CCDC15: variants seen among roughly 807,000 people sequenced by gnomAD.
CCDC15 encodes the protein coiled-coil domain containing 15.
A neutral mutation model predicts 114.5 loss-of-function variants in CCDC15; 105 were observed. The observed-to-expected ratio is 0.92, with a 90% CI of 0.78 to 1.08. CCDC15 has a LOEUF of 1.08. Ranked by LOEUF, CCDC15 falls within the 50% of genes least tolerant of loss-of-function variation. The probability of loss-of-function intolerance (pLI) is 0.00; values close to 1 mark genes in which losing one functional copy is unlikely to be tolerated. For synonymous variants in CCDC15, 334 were observed against 377.8 expected, an observed-to-expected ratio of 0.88 and a Z score of 1.34; for missense variants, 1,105 against 1,093.6, an observed-to-expected ratio of 1.01 and a Z score of -0.15.
chr11:124,966,286 G>C (rs1947780666), intron 4 of CCDC15, among the ~76,000 whole-genome samples: 1 of 152,154 alleles, frequency 6.6e-6, no homozygotes, highest in Non-Finnish European at 1.5e-5. Flanking sequence ...AAGTCTCTTT[G>C]TAGGTCTCTA....
intron 4 of CCDC15, among the ~76,000 whole-genome samples, chr11:124,961,140 A>G (rs1025848309): frequency 1.3e-5 from 2 of 152,364 alleles, no homozygotes; most frequent in Non-Finnish European, 2.9e-5. Context: ...AGTACAAGGA[A>G]TAGAACATTG....
chr11:124,976,211 A>G (rs1210616699), intron 5 of CCDC15, among the ~76,000 whole-genome samples: 2 of 148,786 alleles, frequency 1.3e-5, no homozygotes, highest in South Asian at 4.2e-4. Flanking sequence ...TGGAATATGC[A>G]TATAATATAT....
At chr11:124,975,457 A>G (rs1310165240) in intron 5 of CCDC15, among the ~76,000 whole-genome samples, 1 of 152,172 alleles carries the variant, frequency 6.6e-6, no homozygotes, top group Non-Finnish European at 1.5e-5. Context: ...GTTGGATATG[A>G]AATTAAGTAT....
At chr11:125,012,023 T>C (rs969280955) in intron 13 of CCDC15, among the ~76,000 whole-genome samples, 1 of 152,222 alleles carries the variant, frequency 6.6e-6, no homozygotes, top group African/African-American at 2.4e-5. Flanking sequence ...TCTAGGTACA[T>C]GCCCTGTAAG....
chr11:124,977,787 GTT>G (rs1375282096), intron 6 of CCDC15, among the ~76,000 whole-genome samples, 187 bp downstream of exon 6: 4 of 152,094 alleles, frequency 2.6e-5, no homozygotes, highest in Non-Finnish European at 4.4e-5. Context: ...AGTACTCACA[GTT>G]TGCACAGGGT....
chr11:125,021,789 G>A (rs973546988), intron 13 of CCDC15, among the ~76,000 whole-genome samples: 2 of 151,830 alleles, frequency 1.3e-5, no homozygotes, highest in African/African-American at 4.8e-5. Flanking sequence ...CAATGCTGAC[G>A]TGTTCCCTTA....
chr11:125,011,808 T>C (rs1347881134), intron 13 of CCDC15, among the ~76,000 whole-genome samples: 1 of 152,212 alleles, frequency 6.6e-6, no homozygotes, highest in East Asian at 1.9e-4. Flanking sequence ...TATTCTATTG[T>C]CCTACCTTGA....
chr11:124,971,280 C>T (rs939854678), intron 4 of CCDC15, among the ~76,000 whole-genome samples: 12 of 152,184 alleles, frequency 7.9e-5, no homozygotes, highest in Non-Finnish European at 1.6e-4. Context: ...ATCTGTAGGT[C>T]ACCATCATCA....
Position 125,041,380 on chromosome 11 carries a change from T to C in CCDC15, c.*669T>C, listed in dbSNP as rs943778639. The C allele has an allele frequency of 1.3e-5, 2 of 152,140 alleles. No individual in the cohort carries two copies. The highest frequency in any genetic ancestry group is 1.3e-4 in the Admixed American group (2 of 15,282). The allele number at this position is 152,140 out of a possible 1,614,324, so 9.4% of individuals were successfully genotyped here. A position where few individuals can be genotyped will look rare whatever the true frequency, so the allele number is the denominator to read the frequency against. On this transcript the variant is annotated 3_prime_UTR_variant, in exon 16 of 16. Coordinates refer to ENST00000344762, the MANE Select transcript of CCDC15 (RefSeq NM_025004.3). ...TAATTGTGAGTGACATTTGAAAAAG[T>C]GAATCTGAAGTCAAAGTGAGTAAAT...
chr11:125,013,264 T>G (rs1443301136), intron 13 of CCDC15, among the ~76,000 whole-genome samples: 1 of 152,176 alleles, frequency 6.6e-6, no homozygotes. Flanking sequence ...TGCCAGATGG[T>G]CAAGGAGCTT....
At chr11:125,029,059 A>G (rs966517316) in intron 13 of CCDC15, among the ~76,000 whole-genome samples, 2 of 152,172 alleles carry the variant, frequency 1.3e-5, no homozygotes, top group Non-Finnish European at 2.9e-5. Context: ...CACACGAGAA[A>G]GATATAGTCT....
Position 125,022,048 on chromosome 11 carries a change from C to T in CCDC15, c.2412-16383C>T, listed in dbSNP as rs149503932. Among the ~76,000 whole-genome samples, 524 of 152,008 alleles carry T rather than the reference C, an allele frequency of 3.4e-3. 2 individuals are homozygous for T. The highest frequency in any genetic ancestry group is 0.012 in the African/African-American group (500 of 41,522). On this transcript the variant is annotated intron_variant, in intron 13 of 15. Transcript: ENST00000344762. ...CTCATTGGAATAAGATCTCAATATA[C>T]GCAGATCCCTAGCCAAGAGCTCCTG...
chr11:124,970,573 G>C (rs1947861715), intron 4 of CCDC15, among the ~76,000 whole-genome samples: 1 of 152,104 alleles, frequency 6.6e-6, no homozygotes, highest in Non-Finnish European at 1.5e-5. Context: ...CTTTACATTG[G>C]TATTAGTCCT....
intron 4 of CCDC15, among the ~76,000 whole-genome samples, chr11:124,969,045 A>G (rs950326910): frequency 1.3e-5 from 2 of 152,142 alleles, no homozygotes; most frequent in African/African-American, 4.8e-5. Flanking sequence ...CAAGTATTTG[A>G]TTATAGTTAT....
At chr11:125,004,928 T>C (rs1257842170) in intron 12 of CCDC15, among the ~76,000 whole-genome samples, 181 bp from the exon 13 acceptor site, 1 of 152,102 alleles carries the variant, frequency 6.6e-6, no homozygotes, top group African/African-American at 2.4e-5. Context: ...ATAAAATTCT[T>C]GTGTATGTGA....
At chr11:124,985,059 A>T (rs1027012247) in intron 6 of CCDC15, among the ~76,000 whole-genome samples, 1 of 152,190 alleles carries the variant, frequency 6.6e-6, no homozygotes, top group African/African-American at 2.4e-5. Flanking sequence ...TTTTGTCTGT[A>T]TAGGTTTACC....
At chr11:124,993,307 T>A in intron 11 of CCDC15, 64 bp downstream of exon 11, 1 of 1,082,100 alleles carries the variant, frequency 9.2e-7, no homozygotes, top group Non-Finnish European at 1.4e-6. Context: ...ATATAGTGAG[T>A]AAGTAACAGA....
In CCDC15 at chr11:124,977,541, A is replaced by C. The variant is rs1269213215; in HGVS notation, c.694A>C (p.Ile232Leu). Residue 232 changes from isoleucine to leucine, a missense_variant, in exon 6 of 16, where the codon ATT becomes CTT. Coordinates refer to ENST00000344762, the MANE Select transcript of CCDC15 (RefSeq NM_025004.3). Reference sequence around the variant, plus strand: ...TACAGGAATAAGAGGAGAGTTGCCCATTAAGGTCCATCAAGGTCTTTTAGC... The same window carrying C: ...TACAGGAATAAGAGGAGAGTTGCCCCTTAAGGTCCATCAAGGTCTTTTAGC... Reference protein sequence around the residue: ...INTGIRGELPIKVHQGLLAAV... With the variant: ...INTGIRGELPLKVHQGLLAAV... The C allele has an allele frequency of 3.1e-6, 5 of 1,609,154 alleles. No individual in the cohort carries two copies. The African/African-American group carries it at 6.7e-5, about 22-fold the overall frequency.
At chr11:125,005,526 T>C (rs1279431063) in intron 13 of CCDC15, among the ~76,000 whole-genome samples, 2 of 152,138 alleles carry the variant, frequency 1.3e-5, no homozygotes, top group East Asian at 3.8e-4. Flanking sequence ...AGTGGTACAA[T>C]GTATTAGAAT....
Sources: allele counts gnomAD v4.1 joint callset (sites outside exome capture counted in the v4.1 genomes callset), GRCh38; gene constraint gnomAD v4.1.1; transcripts MANE v1.5; gene names NCBI Gene and HGNC (gene_info 2026-07-23, HGNC 2026-07-21).